HAPLN1: variants seen among roughly 807,000 people sequenced by gnomAD.
HAPLN1 encodes hyaluronan and proteoglycan link protein 1, also known as Cartilage link protein.
In HAPLN1, 13 loss-of-function variants were observed where a neutral mutation model predicts 36.5. The ratio of observed to expected loss-of-function variants is 0.36; its 90% CI spans 0.23 to 0.57. HAPLN1 has a LOEUF of 0.57. Among genes scored for constraint, HAPLN1 ranks in the 20% least tolerant of loss-of-function variants. The pLI is 0.83. For missense variants in HAPLN1, 407 were observed against 439.7 expected, an observed-to-expected ratio of 0.93 and a Z score of 0.66; for synonymous variants, 202 against 169.8, an observed-to-expected ratio of 1.19 and a Z score of -1.48.
At chr5:83,652,391 A>G (rs2112566477) in intron 3 of HAPLN1, 62 bp downstream of exon 3, 2 of 1,503,700 alleles carry the variant, frequency 1.3e-6, no homozygotes, top group East Asian at 2.3e-5. Flanking sequence ...ATTACTCTTC[A>G]TGAAAAAAAA....
At chr5:83,671,666 G>T (rs886717187) in intron 2 of HAPLN1, among the ~76,000 whole-genome samples, 2 of 152,054 alleles carry the variant, frequency 1.3e-5, no homozygotes, top group Admixed American at 6.6e-5. Flanking sequence ...AAATTGTTGG[G>T]AAAAAAGTAA....
intron 1 of HAPLN1, among the ~76,000 whole-genome samples, chr5:83,688,137 C>T (rs1175485514): frequency 2.6e-5 from 4 of 152,186 alleles, no homozygotes; most frequent in African/African-American, 9.6e-5. Flanking sequence ...TAGCTCCTTC[C>T]TGATCCTCTC....
chr5:83,713,463 G>A (rs1007210219), intron 1 of HAPLN1, among the ~76,000 whole-genome samples: 3 of 152,104 alleles, frequency 2.0e-5, no homozygotes, highest in Admixed American at 6.6e-5. Context: ...ATTCTTCCCT[G>A]GGTTTCAGTT....
At chr5:83,697,031 A>G (rs538521151) in intron 1 of HAPLN1, among the ~76,000 whole-genome samples, 4 of 152,078 alleles carry the variant, frequency 2.6e-5, no homozygotes, top group African/African-American at 4.8e-5. Context: ...CTGTGTACCT[A>G]TGAGCTGTTA....
At chr5:83,667,312 T>C (rs1750579384) in intron 2 of HAPLN1, among the ~76,000 whole-genome samples, 2 of 152,184 alleles carry the variant, frequency 1.3e-5, no homozygotes, top group South Asian at 4.1e-4. Flanking sequence ...CTGTGTGTTC[T>C]TATTTTCATT....
At chr5:83,661,809 C>A (rs1032179060) in intron 2 of HAPLN1, among the ~76,000 whole-genome samples, 2 of 152,002 alleles carry the variant, frequency 1.3e-5, no homozygotes, top group South Asian at 2.1e-4. Context: ...TCTTCTTAAA[C>A]GTAGTTATAT....
At chr5:83,652,291 GGAATCATAGGCAGACTGTA>G in intron 3 of HAPLN1, 143 bp downstream of exon 3, 1 of 651,394 alleles carries the variant, frequency 1.5e-6, no homozygotes, top group Non-Finnish European at 2.5e-6. Flanking sequence ...CATGAAAGCT[GGAATCATAGGCAGACTGTA>G]GAATACAAAA....
chr5:83,710,265 C>T (rs1203213800), intron 1 of HAPLN1, among the ~76,000 whole-genome samples: 1 of 152,066 alleles, frequency 6.6e-6, no homozygotes, highest in East Asian at 1.9e-4. Flanking sequence ...GCCAAGAGGC[C>T]GGTAGACTTC....
chr5:83,644,091 C>T (rs1431009989), intron 4 of HAPLN1, among the ~76,000 whole-genome samples: 1 of 152,128 alleles, frequency 6.6e-6, no homozygotes, highest in Non-Finnish European at 1.5e-5. Flanking sequence ...AGGTAACAGA[C>T]CTCAAGCCAC....
chr5:83,673,385 A>G lies in HAPLN1; in HGVS notation c.100+39T>C, dbSNP rs73769334. 3.8e-4 allele frequency: 534 copies of G among 1,394,468 alleles called. 3 individuals carry two copies. In the African/African-American group the frequency reaches 7.3e-3, roughly 19 times the overall value. 86.4% of individuals were successfully genotyped at this position (1,394,468 alleles called of 1,614,324 possible). ...GCATCTCAACTCTAAGTAACTTAAA[A>G]TTAATTAGGCTTTGATAAGAGAAGC... On this transcript the variant is annotated intron_variant, in intron 2 of 4. Transcript: ENST00000274341.
chr5:83,704,073 C>T (rs1440836680), intron 1 of HAPLN1, among the ~76,000 whole-genome samples: 1 of 147,502 alleles, frequency 6.8e-6, no homozygotes, highest in African/African-American at 2.5e-5. Context: ...CCTTACAAGC[C>T]AAAAGAGACT....
intron 1 of HAPLN1, among the ~76,000 whole-genome samples, chr5:83,683,743 T>C (rs557813823): frequency 5.9e-5 from 9 of 152,294 alleles, no homozygotes; most frequent in South Asian, 4.1e-4. Context: ...CATACACAGC[T>C]GCCAGTCATC....
intron 1 of HAPLN1, among the ~76,000 whole-genome samples, chr5:83,708,238 T>C (rs1751695722): frequency 6.6e-6 from 1 of 152,194 alleles, no homozygotes; most frequent in African/African-American, 2.4e-5. Flanking sequence ...TATAAATCAT[T>C]CTACCATAAA....
At chr5:83,647,013 G>T (rs1045938716) in intron 3 of HAPLN1, among the ~76,000 whole-genome samples, 1 of 152,162 alleles carries the variant, frequency 6.6e-6, no homozygotes, top group African/African-American at 2.4e-5. Flanking sequence ...GGAGAATGCA[G>T]AATATTTTAA....
At chr5:83,645,586 C>A (rs1380349112) in intron 3 of HAPLN1, among the ~76,000 whole-genome samples, 1 of 148,684 alleles carries the variant, frequency 6.7e-6, no homozygotes, top group Non-Finnish European at 1.5e-5. Context: ...ATATTGGATA[C>A]CCCTGCTAAA....
At chr5:83,716,231 A>G (rs1375398664) in intron 1 of HAPLN1, among the ~76,000 whole-genome samples, 1 of 152,202 alleles carries the variant, frequency 6.6e-6, no homozygotes, top group African/African-American at 2.4e-5. Context: ...ATTTAATTTA[A>G]TTGGATATTA....
At chr5:83,656,647 A>G (rs1014689720) in intron 2 of HAPLN1, among the ~76,000 whole-genome samples, 3 of 152,178 alleles carry the variant, frequency 2.0e-5, no homozygotes, top group Non-Finnish European at 4.4e-5. Flanking sequence ...TGCAATTTAC[A>G]AGTAAATAAA....
Position 83,641,457 on chromosome 5 carries a change from T to C in HAPLN1, c.*39A>G, listed in dbSNP as rs368886493. The C allele has an allele frequency of 3.4e-5, 52 of 1,523,902 alleles. No homozygotes were observed. The highest frequency in any genetic ancestry group is 4.3e-5 in the Non-Finnish European group (49 of 1,134,824). 94.4% of individuals were successfully genotyped at this position (1,523,902 alleles called of 1,614,324 possible). A position where few individuals can be genotyped will look rare whatever the true frequency, so the allele number is the denominator to read the frequency against. ...GAAAAAAAAAACACCTTTCACATGT[T>C]CTTAATGACTTTAAAACTGATGCGC... On this transcript the variant is annotated 3_prime_UTR_variant, in exon 5 of 5. Transcript: ENST00000274341.
At chr5:83,720,190 T>A (rs1580172087) in intron 1 of HAPLN1, among the ~76,000 whole-genome samples, 1 of 152,204 alleles carries the variant, frequency 6.6e-6, no homozygotes, top group East Asian at 1.9e-4. Flanking sequence ...TGCATTCAAA[T>A]TATCCATCAA....
Sources: gnomAD v4.1 joint callset for allele counts (sites outside exome capture counted in the v4.1 genomes callset) on GRCh38, gnomAD v4.1.1 for gene constraint, MANE v1.5 for transcripts, NCBI Gene and HGNC (gene_info 2026-07-23, HGNC 2026-07-21) for gene names.